The following ELMO1 variants were observed in gnomAD, a reference collection of about 807,000 sequenced individuals.
ELMO1 encodes engulfment and cell motility 1, also known as engulfment and cell motility protein 1.
Under a neutral mutation model 98.9 loss-of-function variants are expected in ELMO1, and 26 were observed. That is an observed-to-expected ratio of 0.26 (90% CI 0.19 to 0.36). The LOEUF is 0.36. Ranked by LOEUF, ELMO1 falls within the 10% of genes least tolerant of loss-of-function variation. The probability of loss-of-function intolerance (pLI) is 1.00; values close to 1 mark genes in which losing one functional copy is unlikely to be tolerated. For missense variants in ELMO1, 627 were observed against 935.2 expected, an observed-to-expected ratio of 0.67 and a Z score of 4.30; for synonymous variants, 346 against 346.0, an observed-to-expected ratio of 1.00 and a Z score of 0.00.
At chr7:37,262,389 A>G (rs1187798347) in intron 5 of ELMO1, among the ~76,000 whole-genome samples, 1 of 152,132 alleles carries the variant, frequency 6.6e-6, no homozygotes, top group African/African-American at 2.4e-5. Context: ...CCAAGGAGTC[A>G]CTCCCAGTAA....
intron 18 of ELMO1, among the ~76,000 whole-genome samples, chr7:36,885,571 G>A (rs1804905453): frequency 6.6e-6 from 1 of 152,176 alleles, no homozygotes; most frequent in Admixed American, 6.5e-5. Context: ...TTTGCCCAAT[G>A]TCAAGTAAGT....
intron 16 of ELMO1, among the ~76,000 whole-genome samples, chr7:36,998,889 G>C (rs780014226): frequency 6.6e-6 from 1 of 152,028 alleles, no homozygotes; most frequent in Non-Finnish European, 1.5e-5. Flanking sequence ...TTCAGAAACC[G>C]AGCTGCAGGG....
At chr7:37,165,096 C>G (rs1192848297) in intron 13 of ELMO1, among the ~76,000 whole-genome samples, 1 of 152,178 alleles carries the variant, frequency 6.6e-6, no homozygotes, top group Non-Finnish European at 1.5e-5. Context: ...CTCTTTGAAG[C>G]AATTGTGAAT....
intron 2 of ELMO1, among the ~76,000 whole-genome samples, chr7:37,337,171 C>T (rs1453044148): frequency 6.6e-6 from 1 of 152,172 alleles, no homozygotes; most frequent in African/African-American, 2.4e-5. Flanking sequence ...CAATGATAGA[C>T]TGGATTAAGA....
At chr7:37,212,978 C>T (rs1793064550) in intron 12 of ELMO1, among the ~76,000 whole-genome samples, 1 of 152,134 alleles carries the variant, frequency 6.6e-6, no homozygotes, top group African/African-American at 2.4e-5. Context: ...AGAATCAATG[C>T]CACATAGAGT....
chr7:36,994,477 T>G lies in ELMO1; in HGVS notation c.1437+18822A>C, dbSNP rs1490219370. 2.0e-5 allele frequency among the ~76,000 whole-genome samples: 3 copies of G among 152,242 alleles called. No homozygotes were observed. In the East Asian group the frequency reaches 5.8e-4, roughly 29 times the overall value. On this transcript the variant is annotated intron_variant, in intron 16 of 21. Transcript: ENST00000310758. The stretch of plus-strand genomic sequence containing the variant: ...CTTAGCCAAGAAGACAAAATCCTAC[T>G]GCAAACCTTAAACTTAGAGAGGTTA...
At chr7:37,273,281 G>T (rs1796663921) in intron 4 of ELMO1, among the ~76,000 whole-genome samples, 2 of 152,192 alleles carry the variant, frequency 1.3e-5, no homozygotes, top group Admixed American at 6.5e-5. Context: ...GTTAACAGAG[G>T]GACCTTGGGG....
chr7:37,085,261 G>A (rs1352777271), intron 15 of ELMO1, among the ~76,000 whole-genome samples: 1 of 152,166 alleles, frequency 6.6e-6, no homozygotes, highest in Admixed American at 6.5e-5. Context: ...GGGAAAAACT[G>A]ACACTGTAGG....
chr7:37,301,033 T>C (rs1431618485), intron 4 of ELMO1, among the ~76,000 whole-genome samples: 1 of 151,998 alleles, frequency 6.6e-6, no homozygotes, highest in East Asian at 1.9e-4. Context: ...CCATTTCTTC[T>C]AGATTTTCTA....
intron 2 of ELMO1, among the ~76,000 whole-genome samples, chr7:37,325,001 T>G (rs1056046156): frequency 6.6e-6 from 1 of 152,168 alleles, no homozygotes; most frequent in Admixed American, 6.5e-5. Context: ...GAGATAATGG[T>G]GTAAAATCCT....
At chr7:36,898,265 C>T (rs1806191637) in intron 16 of ELMO1, among the ~76,000 whole-genome samples, 1 of 152,216 alleles carries the variant, frequency 6.6e-6, no homozygotes, top group Non-Finnish European at 1.5e-5. Flanking sequence ...AAACATCACA[C>T]CCTTTACCAT....
intron 13 of ELMO1, among the ~76,000 whole-genome samples, chr7:37,193,001 A>C (rs1472577351): frequency 2.3e-5 from 2 of 85,314 alleles, no homozygotes; most frequent in Admixed American, 1.5e-4. Flanking sequence ...ATATATATAT[A>C]TATATATACA....
intron 20 of ELMO1, among the ~76,000 whole-genome samples, chr7:36,864,958 G>A (rs1802919207): frequency 6.6e-6 from 1 of 152,186 alleles, no homozygotes; most frequent in African/African-American, 2.4e-5. Flanking sequence ...TCCATGCCCT[G>A]AGGCCCCTGA....
At chr7:37,350,586 A>G (rs969511631) in intron 1 of ELMO1, among the ~76,000 whole-genome samples, 3 of 152,234 alleles carry the variant, frequency 2.0e-5, no homozygotes, top group Admixed American at 2.0e-4. Context: ...AATCTTAACT[A>G]GTTTAAATGA....
intron 2 of ELMO1, among the ~76,000 whole-genome samples, chr7:37,322,256 T>C (rs1223117098): frequency 6.6e-6 from 1 of 152,070 alleles, no homozygotes; most frequent in Non-Finnish European, 1.5e-5. Context: ...GGCAGGTGGA[T>C]AGTTTGAGCT....
intron 16 of ELMO1, among the ~76,000 whole-genome samples, chr7:36,969,968 T>C (rs913747695): frequency 1.3e-5 from 2 of 152,156 alleles, no homozygotes; most frequent in Non-Finnish European, 2.9e-5. Context: ...TTTACTTTGA[T>C]GGTTAAATAA....
chr7:37,201,961 A>G (rs1319838269), intron 13 of ELMO1, among the ~76,000 whole-genome samples: 1 of 152,202 alleles, frequency 6.6e-6, no homozygotes, highest in East Asian at 1.9e-4. Flanking sequence ...CTGTGAGTTC[A>G]TGCAGCCTGA....
intron 4 of ELMO1, among the ~76,000 whole-genome samples, chr7:37,304,752 G>C (rs1798521338): frequency 6.6e-6 from 1 of 152,032 alleles, no homozygotes; most frequent in Non-Finnish European, 1.5e-5. Context: ...AAACACTCTT[G>C]GTTCACGATT....
At chr7:37,312,662 T>G (rs1798951821) in intron 4 of ELMO1, among the ~76,000 whole-genome samples, 1 of 152,184 alleles carries the variant, frequency 6.6e-6, no homozygotes, top group South Asian at 2.1e-4. Context: ...CTATGAAGTC[T>G]GAGAACCCCA....
Sources: allele counts gnomAD v4.1 joint callset (sites outside exome capture counted in the v4.1 genomes callset), GRCh38; gene constraint gnomAD v4.1.1; transcripts MANE v1.5; gene names NCBI Gene and HGNC (gene_info 2026-07-23, HGNC 2026-07-21).